Variants in UGGT2 observed in about 807,000 individuals in gnomAD.
The protein encoded by UGGT2 is UDP-glucose glycoprotein glucosyltransferase 2, also known as UDP-glucose:glycoprotein glucosyltransferase 2.
In UGGT2, 180 loss-of-function variants were observed where a neutral mutation model predicts 192.1. The ratio of observed to expected loss-of-function variants is 0.94; its 90% CI spans 0.83 to 1.06. The LOEUF (loss-of-function observed/expected upper bound fraction) is 1.06, where lower values mean the gene tolerates loss of function less well. Among genes scored for constraint, UGGT2 ranks in the 50% least tolerant of loss-of-function variants. The pLI is 0.00. For synonymous variants in UGGT2, 580 were observed against 591.0 expected, an observed-to-expected ratio of 0.98 and a Z score of 0.27; for missense variants, 1,849 against 1,795.7, an observed-to-expected ratio of 1.03 and a Z score of -0.54.
rs1264671597 is a variant in UGGT2 at position 95,981,080 on chromosome 13, A to G, written c.1092+2724T>C. Reference sequence around the variant, plus strand: ...ATTTATTTTAAACTAAATGTTTCTTATCTCCTCTACTCGAAGGTCATATCC... The same window carrying G: ...ATTTATTTTAAACTAAATGTTTCTTGTCTCCTCTACTCGAAGGTCATATCC... On this transcript the variant is annotated intron_variant, in intron 10 of 38. Coordinates refer to ENST00000376747, the MANE Select transcript of UGGT2 (RefSeq NM_020121.4). Among the ~76,000 whole-genome samples the G allele has an allele frequency of 2.0e-5, 3 of 152,132 alleles. No individual in the cohort carries two copies. In the South Asian group the frequency reaches 6.2e-4, roughly 32 times the overall value.
chr13:95,912,064 C>T (rs1467486396), intron 20 of UGGT2, among the ~76,000 whole-genome samples: 8 of 151,434 alleles, frequency 5.3e-5, no homozygotes, highest in Non-Finnish European at 7.4e-5. Context: ...TCTCAATAAA[C>T]TAGGTATTGA....
At chr13:96,051,640 G>GAA (rs35625477) in intron 1 of UGGT2, among the ~76,000 whole-genome samples, 33 of 145,628 alleles carry the variant, frequency 2.3e-4, no homozygotes, top group Non-Finnish European at 4.5e-4. Flanking sequence ...AAATCAGCAG[G>GAA]AAAAAAAAAA....
intron 20 of UGGT2, among the ~76,000 whole-genome samples, chr13:95,911,220 C>T (rs757578561): frequency 1.3e-5 from 2 of 151,988 alleles, no homozygotes; most frequent in Non-Finnish European, 2.9e-5. Flanking sequence ...TAGCAGAACG[C>T]AAGAAATAAC....
chr13:96,051,253 G>A (rs1383342816), intron 1 of UGGT2, among the ~76,000 whole-genome samples: 2 of 152,136 alleles, frequency 1.3e-5, no homozygotes, highest in African/African-American at 2.4e-5. Context: ...AACACCTCAT[G>A]TTCTCACTCA....
intron 37 of UGGT2, among the ~76,000 whole-genome samples, chr13:95,835,996 C>G (rs1247200377): frequency 6.6e-6 from 1 of 152,120 alleles, no homozygotes; most frequent in African/African-American, 2.4e-5. Flanking sequence ...GAAGACATGT[C>G]AAGATGATAG....
chr13:95,893,576 A>G (rs929467760), intron 24 of UGGT2, among the ~76,000 whole-genome samples: 2 of 129,664 alleles, frequency 1.5e-5, no homozygotes, highest in Admixed American at 7.4e-5. Flanking sequence ...CTAAAATTCA[A>G]TAACAGAGTG....
rs1167962599 is a variant in UGGT2 at position 95,925,530 on chromosome 13, C to G, written c.2295+150G>C. ...TTTTTCTTTTCCTGAGCAAAGTTAC[C>G]TGTTTTACATGAAGACTAAATCTGA... On this transcript the variant is annotated intron_variant, in intron 20 of 38. Coordinates refer to ENST00000376747, the MANE Select transcript of UGGT2 (RefSeq NM_020121.4). 5.6e-6 allele frequency: 3 copies of G among 533,114 alleles called. No homozygotes were observed. In the East Asian group the frequency reaches 9.9e-5, roughly 18 times the overall value. The allele number at this position is 533,114 out of a possible 1,614,324, so 33.0% of individuals were successfully genotyped here. A position where few individuals can be genotyped will look rare whatever the true frequency, so the allele number is the denominator to read the frequency against.
Position 95,863,660 on chromosome 13 carries a change from TTTCATC to T in UGGT2, c.3607_3612del (p.Asp1203_Glu1204del). The T allele has an allele frequency of 2.5e-6, 4 of 1,612,766 alleles. No individual in the cohort carries two copies. The highest frequency in any genetic ancestry group is 3.4e-6 in the Non-Finnish European group (4 of 1,179,090). On this transcript the variant is annotated inframe_deletion, in exon 31 of 39. Transcript: ENST00000376747. ...ATGGAATCCCACAGTCCTTTTGTTT[TTTCATC>T]TTCATCGGTAAGGATATCTTCCTTA...
At position 95,863,590 on chromosome 13, in the gene UGGT2, T is replaced by A. The variant is rs749170175; in HGVS notation, c.3644+39A>T. On this transcript the variant is annotated intron_variant, in intron 31 of 38. Transcript: ENST00000376747. ...AACTTCCACATACTAGACTTCTGGATCAATCTAGTGATGTATTAAAATATT... is the reference window on the plus strand; with the variant it reads ...AACTTCCACATACTAGACTTCTGGAACAATCTAGTGATGTATTAAAATATT... 3 of 1,504,580 alleles carry A rather than the reference T, an allele frequency of 2.0e-6. No homozygotes were observed. In the South Asian group the frequency reaches 3.4e-5, roughly 17 times the overall value. 93.2% of individuals were successfully genotyped at this position (1,504,580 alleles called of 1,614,324 possible). A position where few individuals can be genotyped will look rare whatever the true frequency, so the allele number is the denominator to read the frequency against.
intron 15 of UGGT2, among the ~76,000 whole-genome samples, chr13:95,943,491 G>A (rs2049761220): frequency 6.6e-6 from 1 of 151,926 alleles, no homozygotes; most frequent in Non-Finnish European, 1.5e-5. Context: ...ACTCTCATGA[G>A]GATAAGGATT....
chr13:95,950,238 A>G (rs140699583), intron 12 of UGGT2, among the ~76,000 whole-genome samples: 1 of 152,274 alleles, frequency 6.6e-6, no homozygotes, highest in African/African-American at 2.4e-5. Context: ...GCACATATAC[A>G]TGGTAACACC....
chr13:95,939,890 T>G, intron 16 of UGGT2, 67 bp downstream of exon 16: 2 of 1,264,924 alleles, frequency 1.6e-6, no homozygotes, highest in Non-Finnish European at 2.2e-6. Context: ...TCTACATGAG[T>G]AGAGATCATG....
chr13:95,828,409 T>C (rs990606645), intron 38 of UGGT2, among the ~76,000 whole-genome samples: 1 of 151,768 alleles, frequency 6.6e-6, no homozygotes, highest in Admixed American at 6.6e-5. Context: ...ATCAACAAAA[T>C]TGACAGACCG....
intron 7 of UGGT2, chr13:95,995,283 C>A (rs2051582832): frequency 6.6e-6 from 1 of 151,900 alleles, no homozygotes; most frequent in African/African-American, 2.4e-5. Flanking sequence ...TTAATCCTTG[C>A]AATAATAGAC....
chr13:95,818,952 A>T (rs1885211955), intron 38 of UGGT2, among the ~76,000 whole-genome samples: 1 of 152,132 alleles, frequency 6.6e-6, no homozygotes, highest in Non-Finnish European at 1.5e-5. Flanking sequence ...AAGCTGAAAC[A>T]ACCATGACCC....
At chr13:95,818,125 C>A (rs1457125272) in intron 38 of UGGT2, among the ~76,000 whole-genome samples, 1 of 152,142 alleles carries the variant, frequency 6.6e-6, no homozygotes, top group Non-Finnish European at 1.5e-5. Flanking sequence ...CCGGGCAATG[C>A]AGTGAGCCCT....
At chr13:95,817,727 A>C (rs531295965) in intron 38 of UGGT2, among the ~76,000 whole-genome samples, 1 of 152,310 alleles carries the variant, frequency 6.6e-6, no homozygotes, top group Admixed American at 6.5e-5. Context: ...GCAAATTCTA[A>C]AAAATAGCAA....
intron 28 of UGGT2, 151 bp downstream of exon 28, chr13:95,877,547 C>A: frequency 1.9e-6 from 2 of 1,052,402 alleles, no homozygotes; most frequent in Non-Finnish European, 2.6e-6. Flanking sequence ...ATGATTTTCC[C>A]CATTTTTTAT....
intron 10 of UGGT2, among the ~76,000 whole-genome samples, chr13:95,973,396 T>C (rs2050838811): frequency 2.6e-5 from 4 of 152,164 alleles, no homozygotes. Context: ...ATTACTTATC[T>C]ACATTTCATA....
Sources: gnomAD v4.1 joint callset for allele counts (sites outside exome capture counted in the v4.1 genomes callset) on GRCh38, gnomAD v4.1.1 for gene constraint, MANE v1.5 for transcripts, NCBI Gene and HGNC (gene_info 2026-07-23, HGNC 2026-07-21) for gene names.